GABRB1: variants seen among roughly 807,000 people sequenced by gnomAD.
The protein encoded by GABRB1 is gamma-aminobutyric acid receptor subunit beta-1.
A neutral mutation model predicts 51.6 loss-of-function variants in GABRB1; 17 were observed. That is an observed-to-expected ratio of 0.33 (90% CI 0.23 to 0.49). The LOEUF is 0.49. Ranked by LOEUF, GABRB1 falls within the 20% of genes least tolerant of loss-of-function variation. The pLI is 0.99. For synonymous variants in GABRB1, 247 were observed against 218.9 expected (o/e 1.13, Z -1.14); for missense variants, 410 against 600.6 (o/e 0.68, Z 3.32).
intron 3 of GABRB1, among the ~76,000 whole-genome samples, chr4:47,065,400 C>A (rs976255123): frequency 2.0e-5 from 3 of 152,216 alleles, no homozygotes; most frequent in Admixed American, 6.5e-5. Flanking sequence ...TGAGGCTGTG[C>A]AATTTCTCAG....
At chr4:47,017,535 A>G (rs1724785683) in intron 1 of GABRB1, among the ~76,000 whole-genome samples, 2 of 152,182 alleles carry the variant, frequency 1.3e-5, no homozygotes, top group South Asian at 2.1e-4. Flanking sequence ...AAATAAAGAA[A>G]TAAGAAACAC....
At chr4:47,135,473 AAAG>A (rs1229694513) in intron 3 of GABRB1, among the ~76,000 whole-genome samples, 2 of 152,294 alleles carry the variant, frequency 1.3e-5, no homozygotes, top group East Asian at 3.9e-4. Context: ...AAGTGTGCCA[AAAG>A]AAGAGACGCC....
chr4:47,004,112 C>T (rs944014808), intron 1 of GABRB1, among the ~76,000 whole-genome samples: 1 of 152,032 alleles, frequency 6.6e-6, no homozygotes, highest in Non-Finnish European at 1.5e-5. Context: ...CCTCAGCCTC[C>T]CGAGTAGCTG....
intron 5 of GABRB1, among the ~76,000 whole-genome samples, chr4:47,381,802 G>A (rs1019246204): frequency 6.6e-6 from 1 of 152,172 alleles, no homozygotes; most frequent in African/African-American, 2.4e-5. Flanking sequence ...TATGTGCTGG[G>A]GAACTTATGG....
At chr4:47,239,962 T>C (rs1217345241) in intron 4 of GABRB1, among the ~76,000 whole-genome samples, 1 of 152,164 alleles carries the variant, frequency 6.6e-6, no homozygotes, top group African/African-American at 2.4e-5. Flanking sequence ...TTTTCTTGTG[T>C]TTCACTTAGT....
Position 47,067,049 on chromosome 4 carries a change from A to ATG in GABRB1, c.240+34566_240+34567insGT, listed in dbSNP as rs1727119026. Reference sequence around the variant, plus strand: ...TTGTGTTAGAGGGCTGGAAAACAGCATCAGTTTCCTCTTACATCTCCATCA... The same window carrying ATG: ...TTGTGTTAGAGGGCTGGAAAACAGCATGTCAGTTTCCTCTTACATCTCCATCA... On this transcript the variant is annotated intron_variant, in intron 3 of 8. Coordinates refer to ENST00000295454, the MANE Select transcript of GABRB1 (RefSeq NM_000812.4). Among the ~76,000 whole-genome samples, 6 of 152,360 alleles carry ATG rather than the reference A, an allele frequency of 3.9e-5. No homozygotes were observed. In the East Asian group the frequency reaches 1.2e-3, roughly 29 times the overall value.
chr4:47,058,586 A>G (rs563117222), intron 3 of GABRB1, among the ~76,000 whole-genome samples: 1 of 152,248 alleles, frequency 6.6e-6, no homozygotes, highest in South Asian at 2.1e-4. Context: ...TTACCCAGGA[A>G]TGTTTAAACC....
intron 5 of GABRB1, among the ~76,000 whole-genome samples, chr4:47,369,575 T>G (rs1423549813): frequency 6.6e-6 from 1 of 152,156 alleles, no homozygotes; most frequent in Non-Finnish European, 1.5e-5. Flanking sequence ...ATCCATATCC[T>G]CATCTAATCC....
chr4:47,017,099 G>A (rs1724773772), intron 1 of GABRB1, among the ~76,000 whole-genome samples: 1 of 152,212 alleles, frequency 6.6e-6, no homozygotes, highest in South Asian at 2.1e-4. Context: ...TTTAGAAAGA[G>A]ACGCTGTGGA....
intron 1 of GABRB1, among the ~76,000 whole-genome samples, chr4:47,001,365 A>C (rs1475328951): frequency 6.6e-6 from 1 of 152,062 alleles, no homozygotes; most frequent in Non-Finnish European, 1.5e-5. Flanking sequence ...GATGGTCTGA[A>C]TCTCCTGACC....
chr4:47,406,489 T>C (rs886999356), intron 7 of GABRB1, among the ~76,000 whole-genome samples, 193 bp from the exon 8 acceptor site: 2 of 152,224 alleles, frequency 1.3e-5, no homozygotes, highest in Admixed American at 6.5e-5. Context: ...TTATGATTCA[T>C]TAATGGACTA....
At chr4:47,054,055 TA>T (rs891921872) in intron 3 of GABRB1, among the ~76,000 whole-genome samples, 90 of 147,644 alleles carry the variant, frequency 6.1e-4, no homozygotes, top group East Asian at 2.7e-3. Flanking sequence ...TTGACTTTTT[TA>T]AAAAAAAAAA....
At chr4:47,419,990 A>G (rs1323570146) in intron 8 of GABRB1, among the ~76,000 whole-genome samples, 1 of 152,136 alleles carries the variant, frequency 6.6e-6, no homozygotes, top group African/African-American at 2.4e-5. Flanking sequence ...TTTTCTCTCA[A>G]TTTAGGTTCA....
intron 3 of GABRB1, among the ~76,000 whole-genome samples, chr4:47,121,539 C>A (rs546117188): frequency 2.0e-5 from 3 of 152,210 alleles, no homozygotes; most frequent in Admixed American, 2.0e-4. Context: ...TCCATTTGGC[C>A]ATCTTGCTTC....
At chr4:47,048,408 A>G (rs1726193813) in intron 3 of GABRB1, among the ~76,000 whole-genome samples, 2 of 152,180 alleles carry the variant, frequency 1.3e-5, no homozygotes, top group Admixed American at 1.3e-4. Flanking sequence ...CCCAAATGCC[A>G]GGAGTCTTTT....
intron 4 of GABRB1, among the ~76,000 whole-genome samples, chr4:47,215,847 C>T (rs775449764): frequency 1.8e-4 from 28 of 152,132 alleles, no homozygotes; most frequent in Non-Finnish European, 3.5e-4. Flanking sequence ...ATGAATACTG[C>T]CTCTTTAGAA....
At chr4:47,174,443 T>C (rs1041411314) in intron 4 of GABRB1, among the ~76,000 whole-genome samples, 1 of 152,152 alleles carries the variant, frequency 6.6e-6, no homozygotes, top group Non-Finnish European at 1.5e-5. Context: ...TTCCAACTTC[T>C]ATAACTACTT....
At chr4:47,405,346 A>T (rs1159910576) in intron 7 of GABRB1, among the ~76,000 whole-genome samples, 2 of 152,200 alleles carry the variant, frequency 1.3e-5, no homozygotes, top group African/African-American at 4.8e-5. Flanking sequence ...TGGAAAATGA[A>T]TGCGAAACTA....
At chr4:46,999,991 A>G (rs1367409642) in intron 1 of GABRB1, among the ~76,000 whole-genome samples, 1 of 152,178 alleles carries the variant, frequency 6.6e-6, no homozygotes, top group Admixed American at 6.5e-5. Flanking sequence ...TTCTAATAAA[A>G]TTACTACCTT....
Sources: allele counts gnomAD v4.1 joint callset (sites outside exome capture counted in the v4.1 genomes callset), GRCh38; gene constraint gnomAD v4.1.1; transcripts MANE v1.5; gene names NCBI Gene and HGNC (gene_info 2026-07-23, HGNC 2026-07-21).